CNTN5: variants seen among roughly 807,000 people sequenced by gnomAD.
CNTN5 encodes the protein contactin-5.
A neutral mutation model predicts 129.1 loss-of-function variants in CNTN5; 77 were observed. The ratio of observed to expected loss-of-function variants is 0.60; its 90% CI spans 0.50 to 0.72. The LOEUF is 0.72. Among genes scored for constraint, CNTN5 ranks in the 30% least tolerant of loss-of-function variants. CNTN5 has a pLI of 0.00. For missense variants in CNTN5, 1,478 were observed against 1,328.8 expected, an observed-to-expected ratio of 1.11 and a Z score of -1.75; for synonymous variants, 509 against 465.6, an observed-to-expected ratio of 1.09 and a Z score of -1.20.
intron 13 of CNTN5, among the ~76,000 whole-genome samples, chr11:100,132,442 T>C (rs548389884): frequency 1.2e-4 from 18 of 152,230 alleles, no homozygotes; most frequent in Non-Finnish European, 2.5e-4. Context: ...GAGTAGTAAC[T>C]GTAGTAATAG....
At chr11:99,572,299 T>TA (rs966710116) in intron 3 of CNTN5, among the ~76,000 whole-genome samples, 3 of 152,038 alleles carry the variant, frequency 2.0e-5, no homozygotes, top group South Asian at 2.1e-4. Flanking sequence ...AAACAAAAGC[T>TA]AAAAAAAATC....
At chr11:99,138,897 T>A (rs187007720) in intron 1 of CNTN5, among the ~76,000 whole-genome samples, 1 of 152,224 alleles carries the variant, frequency 6.6e-6, no homozygotes, top group Non-Finnish European at 1.5e-5. Context: ...TTACTTTTTC[T>A]TTCTCTGTTC....
At chr11:100,067,904 A>C (rs1273359735) in intron 10 of CNTN5, among the ~76,000 whole-genome samples, 2 of 152,046 alleles carry the variant, frequency 1.3e-5, no homozygotes, top group Non-Finnish European at 2.9e-5. Flanking sequence ...CATATGTTTG[A>C]TTCCTATGAA....
chr11:99,440,824 C>A (rs112600824), intron 2 of CNTN5, among the ~76,000 whole-genome samples: 5 of 152,070 alleles, frequency 3.3e-5, no homozygotes, highest in African/African-American at 1.2e-4. Flanking sequence ...AATGTAATCC[C>A]GTGATCATCA....
intron 2 of CNTN5, among the ~76,000 whole-genome samples, chr11:99,363,242 C>A (rs1452616479): frequency 6.6e-6 from 1 of 152,040 alleles, no homozygotes; most frequent in Non-Finnish European, 1.5e-5. Context: ...CTTGGTGAAA[C>A]TATCCCTACG....
At chr11:99,186,296 T>C (rs1264019967) in intron 1 of CNTN5, among the ~76,000 whole-genome samples, 2 of 151,938 alleles carry the variant, frequency 1.3e-5, no homozygotes, top group East Asian at 3.9e-4. Flanking sequence ...TAAACCCTCA[T>C]TCACATTATA....
intron 2 of CNTN5, among the ~76,000 whole-genome samples, chr11:99,359,500 T>C (rs1938948116): frequency 6.6e-6 from 1 of 152,018 alleles, no homozygotes; most frequent in South Asian, 2.1e-4. Flanking sequence ...TATGTTCTTC[T>C]TGTATGCAAA....
intron 1 of CNTN5, among the ~76,000 whole-genome samples, chr11:99,088,947 T>C (rs1329896667): frequency 1.3e-5 from 2 of 152,220 alleles, no homozygotes; most frequent in African/African-American, 4.8e-5. Context: ...GTTATTAGTC[T>C]CTTCATTGGG....
chr11:99,939,751 C>T (rs1012842896), intron 7 of CNTN5, among the ~76,000 whole-genome samples: 1 of 151,974 alleles, frequency 6.6e-6, no homozygotes, highest in African/African-American at 2.4e-5. Flanking sequence ...AAATAAGTCC[C>T]TTATCATTCT....
At chr11:99,792,268 T>G (rs1189556834) in intron 3 of CNTN5, among the ~76,000 whole-genome samples, 1 of 152,152 alleles carries the variant, frequency 6.6e-6, no homozygotes, top group Non-Finnish European at 1.5e-5. Flanking sequence ...TGAAGTATGT[T>G]TCTTCAATGC....
At chr11:99,534,506 G>A (rs1237846367) in intron 2 of CNTN5, among the ~76,000 whole-genome samples, 1 of 140,560 alleles carries the variant, frequency 7.1e-6, no homozygotes, top group Non-Finnish European at 1.6e-5. Context: ...AAAAAATTTG[G>A]GCATAGTTAG....
intron 1 of CNTN5, among the ~76,000 whole-genome samples, chr11:99,037,584 T>TC (rs1863805459): frequency 1.4e-5 from 2 of 146,332 alleles, no homozygotes; most frequent in Admixed American, 1.4e-4. Context: ...TTCTTTTTTT[T>TC]TTTTTTTTTT....
chr11:99,321,152 C>T (rs914046818), intron 1 of CNTN5, among the ~76,000 whole-genome samples: 1 of 151,846 alleles, frequency 6.6e-6, no homozygotes, highest in Admixed American at 6.6e-5. Flanking sequence ...GCCAATTGCA[C>T]ATCTTGGGAC....
At chr11:100,159,879 GTGTT>G (rs1363146569) in intron 13 of CNTN5, among the ~76,000 whole-genome samples, 1 of 151,864 alleles carries the variant, frequency 6.6e-6, no homozygotes, top group Non-Finnish European at 1.5e-5. Flanking sequence ...TCTTCAGGCA[GTGTT>G]TTTTTAAGTA....
At chr11:99,338,537 T>C (rs990095067) in intron 2 of CNTN5, among the ~76,000 whole-genome samples, 1 of 152,160 alleles carries the variant, frequency 6.6e-6, no homozygotes, top group African/African-American at 2.4e-5. Context: ...TTTATTTTGT[T>C]GCTATTTTTA....
chr11:99,930,535 G>A (rs750595804), intron 7 of CNTN5, among the ~76,000 whole-genome samples: 1 of 152,136 alleles, frequency 6.6e-6, no homozygotes, highest in Non-Finnish European at 1.5e-5. Flanking sequence ...ACAGTTGCCT[G>A]ATATTCTTTG....
At chr11:99,875,289 T>G (rs1948603636) in intron 6 of CNTN5, among the ~76,000 whole-genome samples, 1 of 152,108 alleles carries the variant, frequency 6.6e-6, no homozygotes. Context: ...AAGTAATTAC[T>G]GAGAATTTTT....
chr11:99,352,004 A>G (rs938252255), intron 2 of CNTN5, among the ~76,000 whole-genome samples: 3 of 152,262 alleles, frequency 2.0e-5, no homozygotes, highest in Admixed American at 6.5e-5. Context: ...AGCAGATGAC[A>G]TTGACAAGAC....
At chr11:100,231,602 C>A (rs1197251281) in intron 16 of CNTN5, among the ~76,000 whole-genome samples, 1 of 152,064 alleles carries the variant, frequency 6.6e-6, no homozygotes, top group Admixed American at 6.5e-5. Flanking sequence ...TCAAAATTGT[C>A]CTGGTTTAGA....
Sources: gnomAD v4.1 joint callset for allele counts (sites outside exome capture counted in the v4.1 genomes callset) on GRCh38, gnomAD v4.1.1 for gene constraint, MANE v1.5 for transcripts, NCBI Gene and HGNC (gene_info 2026-07-23, HGNC 2026-07-21) for gene names.